The following ANKZF1 variants were observed in gnomAD, a reference collection of about 807,000 sequenced individuals.
The protein encoded by ANKZF1 is tRNA endonuclease ANKZF1.
In ANKZF1, 84 loss-of-function variants were observed where a neutral mutation model predicts 86.0. That is an observed-to-expected ratio of 0.98 (90% CI 0.82 to 1.17). The LOEUF (loss-of-function observed/expected upper bound fraction) is 1.17. Among genes scored for constraint, ANKZF1 ranks in the 50% most tolerant of loss-of-function variants. ANKZF1 has a pLI of 0.00. For synonymous variants in ANKZF1, 331 were observed against 354.2 expected, an observed-to-expected ratio of 0.93 and a Z score of 0.74; for missense variants, 893 against 918.4, an observed-to-expected ratio of 0.97 and a Z score of 0.36.
chr2:219,233,280 C>T lies in ANKZF1; in HGVS notation c.672-6C>T. 6.2e-7 allele frequency: 1 copy of T among 1,614,218 alleles called. No homozygotes were observed. Among genetic ancestry groups the T allele is most frequent in the Non-Finnish European group, 8.5e-7 (1 of 1,180,042 alleles). On this transcript the variant is annotated splice_polypyrimidine_tract_variant and splice_region_variant and intron_variant, in intron 6 of 13. Coordinates refer to ENST00000323348, the MANE Select transcript of ANKZF1 (RefSeq NM_018089.3). ...GTCTCCAGTACTGAGTCTGTGCTGT[C>T]TACAGAAGAGAAGTGGTGACACACA...
chr2:219,232,286 T>A lies in ANKZF1; in HGVS notation c.288T>A (p.His96Gln). ...EQREHYKLDWHRFNLKQRLKD... is the reference protein window; with the variant it reads ...EQREHYKLDWQRFNLKQRLKD... ...GGGAACATTATAAGCTTGACTGGCA[T>A]CGGTTTAACCTAAAGCAACGTCTCA... The change falls in exon 4 of 14, where the codon CAT becomes CAA. Residue 96 changes from histidine to glutamine, a missense_variant. Transcript: ENST00000323348. The A allele has an allele frequency of 1.2e-6, 2 of 1,614,240 alleles. No homozygotes were observed. The highest frequency in any genetic ancestry group is 1.7e-6 in the Non-Finnish European group (2 of 1,180,036).
chr2:219,233,220 T>G, intron 6 of ANKZF1, 29 bp downstream of exon 6: 2 of 1,614,158 alleles, frequency 1.2e-6, no homozygotes, highest in Non-Finnish European at 1.7e-6. Flanking sequence ...GGGGTAAGGA[T>G]GGAGTGGATC....
At chr2:219,233,489 G>T in intron 7 of ANKZF1, 56 bp downstream of exon 7, 1 of 1,514,872 alleles carries the variant, frequency 6.6e-7, no homozygotes, top group Non-Finnish European at 8.8e-7. Context: ...TTGCATCTCT[G>T]TTCAACTCAC....
rs1301315650 is a variant in ANKZF1 at position 219,234,963 on chromosome 2, C to T, written c.1342C>T (p.Arg448Ter). ...AAAAAGGAATAAGAAGGAGAAAAGC[C>T]GAGACCAGGAGGCTGGGGCACATCG... ...RRKRNKKEKS[R>*]DQEAGAHRTL... The change falls in exon 10 of 14, where the codon CGA (arginine) becomes TGA (stop). Residue 448 changes from arginine (R) to a stop codon, truncating the protein, a stop_gained. Coordinates refer to ENST00000323348, the MANE Select transcript of ANKZF1 (RefSeq NM_018089.3). LOFTEE classifies it high-confidence loss of function. 3.7e-5 allele frequency: 60 copies of T among 1,614,206 alleles called. No individual in the cohort carries two copies. Among genetic ancestry groups the T allele is most frequent in the Non-Finnish European group, 4.7e-5 (55 of 1,180,042 alleles).
In ANKZF1 at chr2:219,236,655, G is replaced by A. The variant is rs1951248294; in HGVS notation, c.*210G>A. 1.6e-6 allele frequency: 1 copy of A among 629,710 alleles called. No individual in the cohort carries two copies. Among genetic ancestry groups the A allele is most frequent in the Admixed American group, 3.7e-5 (1 of 27,210 alleles). 39.0% of individuals were successfully genotyped at this position (629,710 alleles called of 1,614,324 possible). A position where few individuals can be genotyped will look rare whatever the true frequency, so the allele number is the denominator to read the frequency against. ...CACAATAAAGTTTGGCAAGGAATGT[G>A]TACTTGTACTTACATTCAGAGGCAC... On this transcript the variant is annotated 3_prime_UTR_variant, in exon 14 of 14. Coordinates refer to ENST00000323348, the MANE Select transcript of ANKZF1 (RefSeq NM_018089.3).
Position 219,234,130 on chromosome 2 carries a change from CAGA to C in ANKZF1, c.1053_1055del (p.Glu351del). The C allele has an allele frequency of 1.2e-5, 20 of 1,605,248 alleles. No homozygotes were observed. The highest frequency in any genetic ancestry group is 2.2e-5 in the East Asian group (1 of 44,856). ...TTGAGAAAGATCTTTTCTTTTATGGCAGAAGAAGACCCTCGGGAAGCAGTCAGA... is the reference window on the plus strand; with the variant it reads ...TTGAGAAAGATCTTTTCTTTTATGGCAGAAGACCCTCGGGAAGCAGTCAGA... On this transcript the variant is annotated splice_acceptor_variant and coding_sequence_variant, in exon 9 of 14. Transcript: ENST00000323348. LOFTEE classifies it high-confidence loss of function.
At position 219,231,658 on chromosome 2, in the gene ANKZF1, T is replaced by A. The variant is rs574050271; in HGVS notation, c.149-270T>A. The A allele has an allele frequency of 4.5e-5, 16 of 352,128 alleles. No individual in the cohort carries two copies. The East Asian group carries it at 1.2e-3, about 25-fold the overall frequency. 21.8% of individuals were successfully genotyped at this position (352,128 alleles called of 1,614,324 possible). On this transcript the variant is annotated intron_variant, in intron 2 of 13. Transcript: ENST00000323348. ...ATCCGTCTGCCTTGGCCTCCCAAAG[T>A]GCTGGGATTACAAGCGTGAGCCGCT...
chr2:219,231,483 C>A, intron 2 of ANKZF1: 1 of 161,996 alleles, frequency 6.2e-6, no homozygotes, highest in Non-Finnish European at 1.4e-5. Context: ...CAAGCTCCGC[C>A]TCCCCGGTTC....
At chr2:219,232,785 G>T in intron 5 of ANKZF1, 102 bp downstream of exon 5, 1 of 1,293,644 alleles carries the variant, frequency 7.7e-7, no homozygotes, top group Non-Finnish European at 1.1e-6. Flanking sequence ...CTTCCTTCCT[G>T]TTGGTTGTGG....
At position 219,233,884 on chromosome 2, in the gene ANKZF1, G is replaced by C; in HGVS notation, c.989G>C (p.Arg330Thr). ...TGGGATATCCCCCTCGCCACCCGCAGACCCACCTTCCAAGAGCTACAGCGT... is the reference window on the plus strand; with the variant it reads ...TGGGATATCCCCCTCGCCACCCGCACACCCACCTTCCAAGAGCTACAGCGT... ...RLWDIPLATRRPTFQELQRVL... is the reference protein window; with the variant it reads ...RLWDIPLATRTPTFQELQRVL... The change falls in exon 8 of 14, where the codon AGA becomes ACA. Residue 330 changes from arginine to threonine, a missense_variant. Arg to Thr is a moderately conservative substitution (Grantham distance 71). Coordinates refer to ENST00000323348, the MANE Select transcript of ANKZF1 (RefSeq NM_018089.3). 1.2e-6 allele frequency: 2 copies of C among 1,610,580 alleles called. No homozygotes were observed. Among genetic ancestry groups the C allele is most frequent in the Non-Finnish European group, 1.7e-6 (2 of 1,178,382 alleles).
Position 219,231,940 on chromosome 2 carries a change from G to A in ANKZF1, c.161G>A (p.Arg54Lys). 1 of 1,613,982 alleles carries A rather than the reference G, an allele frequency of 6.2e-7. No homozygotes were observed. Among genetic ancestry groups the A allele is most frequent in the South Asian group, 1.1e-5 (1 of 91,058 alleles). Residue 54 changes from arginine (R) to lysine (K), a missense_variant, in exon 3 of 14, where the codon AGA becomes AAA. Arg to Lys is a conservative substitution (Grantham distance 26, BLOSUM62 2). Coordinates refer to ENST00000323348, the MANE Select transcript of ANKZF1 (RefSeq NM_018089.3). ...TTCCCTTATTTAGGCTCAGGGGAGA[G>A]AGAAAGCCCAGAAAGAAAGCTACTC... The part of the protein sequence containing the change: ...PRTSCSGSGE[R>K]ESPERKLLQG...
intron 2 of ANKZF1, chr2:219,231,621 C>T (rs1053235594): frequency 4.4e-5 from 13 of 294,036 alleles, no homozygotes; most frequent in Non-Finnish European, 8.5e-5. Context: ...GTCTTGATCT[C>T]CTGACTTCAT....
rs142826545 is a variant in ANKZF1 at position 219,236,198 on chromosome 2, G to A, written c.2057+103G>A. On this transcript the variant is annotated intron_variant, in intron 13 of 13. Transcript: ENST00000323348. ...CACAGTATTCAGAAGGGTGGTTGAG[G>A]GAATTTGGGATGTTCTGGCAGATGC... 1,808 of 1,601,532 alleles carry A rather than the reference G, an allele frequency of 1.1e-3. 19 individuals carry two copies. In the South Asian group the frequency reaches 0.014, roughly 13 times the overall value.
chr2:219,236,235 CAG>C, intron 13 of ANKZF1, 85 bp from the exon 14 acceptor site: 4 of 1,607,636 alleles, frequency 2.5e-6, no homozygotes, highest in Non-Finnish European at 3.4e-6. Flanking sequence ...GCAGTGAAAA[CAG>C]AAATGGCAGG....
intron 3 of ANKZF1, 65 bp downstream of exon 3, chr2:219,232,105 G>A: frequency 6.8e-7 from 1 of 1,475,816 alleles, no homozygotes; most frequent in South Asian, 1.2e-5. Flanking sequence ...GGGAGAGGTA[G>A]ACATTTGATT....
chr2:219,234,306 C>G lies in ANKZF1; in HGVS notation c.1204+18C>G. ...CAAACAGGGTTTGATTACTATCTGG[C>G]AACTGTCAGATCTGAGTTTCTGTCC... On this transcript the variant is annotated intron_variant, in intron 9 of 13. Transcript: ENST00000323348. The G allele has an allele frequency of 6.2e-7, 1 of 1,613,798 alleles. No homozygotes were observed. The highest frequency in any genetic ancestry group is 8.5e-7 in the Non-Finnish European group (1 of 1,180,034).
At chr2:219,234,784 A>C (rs769655144) in intron 9 of ANKZF1, 42 bp from the exon 10 acceptor site, 1 of 1,558,952 alleles carries the variant, frequency 6.4e-7, no homozygotes, top group Admixed American at 2.0e-5. Flanking sequence ...CTACCCTCTG[A>C]GTACTCCCTA....
rs138302651 is a variant in ANKZF1, at chr2:219,233,793, C to G, written c.898C>G (p.Arg300Gly). The change falls in exon 8 of 14, where the codon CGC becomes GGC. Residue 300 changes from arginine (R) to glycine (G), a missense_variant. Arg to Gly is a moderately radical substitution (Grantham distance 125). Coordinates refer to ENST00000323348, the MANE Select transcript of ANKZF1 (RefSeq NM_018089.3). The part of the protein sequence containing the change: ...EAGTILLRAP[R>G]SGRSLFFGGK... ...TGGTACAATACTGTTGCGTGCTCCC[C>G]GCTCTGGCCGGTCTTTGTTCTTTGG... 62 of 1,614,136 alleles carry G rather than the reference C, an allele frequency of 3.8e-5. No homozygotes were observed. In the African/African-American group the frequency reaches 8.0e-4, roughly 21 times the overall value.
intron 5 of ANKZF1, 46 bp downstream of exon 5, chr2:219,232,729 A>T: frequency 6.3e-7 from 1 of 1,576,316 alleles, no homozygotes; most frequent in Non-Finnish European, 8.6e-7. Flanking sequence ...CCTTTTGTAC[A>T]CCCAGCCTAG....
Sources: allele counts gnomAD v4.1 joint callset, GRCh38; gene constraint gnomAD v4.1.1; transcripts MANE v1.5; gene names NCBI Gene and HGNC (gene_info 2026-07-23, HGNC 2026-07-21).